Variants in TNR observed in about 807,000 individuals in gnomAD.
TNR encodes the protein tenascin-R.
TNR carries 45 observed loss-of-function variants against 150.4 expected under a neutral mutation model. That is an observed-to-expected ratio of 0.30 (90% CI 0.24 to 0.38). The LOEUF is 0.38. Among genes scored for constraint, TNR ranks in the 10% least tolerant of loss-of-function variants. The pLI, the probability that TNR is intolerant of heterozygous loss-of-function variation, is 1.00. For synonymous variants in TNR, 687 were observed against 678.4 expected (o/e 1.01, Z -0.20); for missense variants, 1,544 against 1,759.1 (o/e 0.88, Z 2.19).
chr1:175,654,877 G>A (rs1036075561), intron 1 of TNR, among the ~76,000 whole-genome samples: 2 of 151,582 alleles, frequency 1.3e-5, no homozygotes, highest in Non-Finnish European at 2.9e-5. Flanking sequence ...CGCCACCACA[G>A]CCGGCTAATT....
intron 1 of TNR, among the ~76,000 whole-genome samples, chr1:175,529,992 C>T (rs965141166): frequency 6.6e-6 from 1 of 152,224 alleles, no homozygotes; most frequent in Non-Finnish European, 1.5e-5. Context: ...ATTCAACTAA[C>T]ATGTTTATTA....
chr1:175,614,864 C>T (rs936831217), intron 1 of TNR, among the ~76,000 whole-genome samples: 24 of 152,142 alleles, frequency 1.6e-4, no homozygotes, highest in Non-Finnish European at 2.2e-4. Flanking sequence ...AGTGGGTGAC[C>T]GGCTGTTCAA....
intron 1 of TNR, among the ~76,000 whole-genome samples, chr1:175,734,357 T>G (rs946651453): frequency 2.0e-5 from 3 of 152,234 alleles, no homozygotes; most frequent in East Asian, 1.9e-4. Context: ...AGGTAGGAGC[T>G]ATTTACCCCA....
At chr1:175,690,051 G>C (rs1475973696) in intron 1 of TNR, among the ~76,000 whole-genome samples, 3 of 152,216 alleles carry the variant, frequency 2.0e-5, no homozygotes, top group Non-Finnish European at 4.4e-5. Context: ...TGGTAAGCAA[G>C]TTCAAGGTCA....
chr1:175,331,046 T>TTCCTTCC (rs1649771749), intron 20 of TNR, among the ~76,000 whole-genome samples: 2 of 82,898 alleles, frequency 2.4e-5, no homozygotes, highest in African/African-American at 9.1e-5. Context: ...TCTTTCTTTC[T>TTCCTTCC]TTCTTTCTTT....
At chr1:175,521,133 T>C (rs534561126) in intron 2 of TNR, among the ~76,000 whole-genome samples, 1 of 152,244 alleles carries the variant, frequency 6.6e-6, no homozygotes, top group South Asian at 2.1e-4. Flanking sequence ...GCAGGAAGAT[T>C]CCACTGTGCC....
At chr1:175,472,209 T>A (rs2102118399) in intron 2 of TNR, among the ~76,000 whole-genome samples, 1 of 152,240 alleles carries the variant, frequency 6.6e-6, no homozygotes, top group East Asian at 1.9e-4. Context: ...ATCATCAATA[T>A]CACTGTCTTC....
chr1:175,597,029 C>A (rs1291284025), intron 1 of TNR, among the ~76,000 whole-genome samples: 1 of 152,142 alleles, frequency 6.6e-6, no homozygotes, highest in Non-Finnish European at 1.5e-5. Context: ...GGGCTCCTTC[C>A]CACTTGCTTT....
intron 1 of TNR, among the ~76,000 whole-genome samples, chr1:175,726,756 A>G (rs966863214): frequency 6.6e-6 from 1 of 152,258 alleles, no homozygotes; most frequent in Non-Finnish European, 1.5e-5. Flanking sequence ...AATTATTGCA[A>G]AGACTGAGTA....
chr1:175,389,597 C>T (rs963118935), intron 7 of TNR, among the ~76,000 whole-genome samples: 5 of 152,222 alleles, frequency 3.3e-5, no homozygotes, highest in Admixed American at 2.0e-4. Flanking sequence ...TAAAAACAGA[C>T]AATTTCCCCC....
chr1:175,560,316 T>A (rs10913006), intron 1 of TNR, among the ~76,000 whole-genome samples: 14,598 of 152,278 alleles, frequency 0.096, 748 homozygotes, highest in Middle Eastern at 0.14. Context: ...AAATCCTTGA[T>A]AAAATAGAGG....
intron 1 of TNR, among the ~76,000 whole-genome samples, chr1:175,692,154 G>A (rs1477940670): frequency 2.0e-5 from 3 of 152,146 alleles, no homozygotes; most frequent in African/African-American, 4.8e-5. Context: ...GGAATAAGAG[G>A]GATAAAATGA....
chr1:175,628,526 TA>T (rs57639805), intron 1 of TNR, among the ~76,000 whole-genome samples: 40,097 of 147,894 alleles, frequency 0.27, 6,109 homozygotes, highest in East Asian at 0.53. Flanking sequence ...ATAATAAAAT[TA>T]AAAAAAAAAA....
At chr1:175,643,209 C>T (rs1664717588) in intron 1 of TNR, among the ~76,000 whole-genome samples, 1 of 152,206 alleles carries the variant, frequency 6.6e-6, no homozygotes, top group Non-Finnish European at 1.5e-5. Context: ...CCCTCACACC[C>T]AATTCCATAA....
At chr1:175,356,200 A>G (rs1224470471) in intron 16 of TNR, 119 bp downstream of exon 16, 1 of 1,378,690 alleles carries the variant, frequency 7.3e-7, no homozygotes, top group African/African-American at 1.5e-5. Flanking sequence ...TCCAAATAAG[A>G]ACAGCTCATA....
At chr1:175,692,111 T>C (rs1270335993) in intron 1 of TNR, among the ~76,000 whole-genome samples, 1 of 152,210 alleles carries the variant, frequency 6.6e-6, no homozygotes, top group Non-Finnish European at 1.5e-5. Flanking sequence ...TAACAATGAA[T>C]GGAGCAAAAT....
intron 2 of TNR, among the ~76,000 whole-genome samples, chr1:175,506,795 A>G (rs1181443111): frequency 6.6e-6 from 1 of 152,232 alleles, no homozygotes; most frequent in African/African-American, 2.4e-5. Context: ...AGGGAATAGC[A>G]TTGGTCCCAT....
chr1:175,684,498 G>A (rs1008376914), intron 1 of TNR, among the ~76,000 whole-genome samples: 2 of 152,198 alleles, frequency 1.3e-5, no homozygotes, highest in African/African-American at 4.8e-5. Context: ...TAATTGACAT[G>A]TGAGCAAACT....
chr1:175,664,466 C>G (rs1665471110), intron 1 of TNR, among the ~76,000 whole-genome samples: 1 of 152,162 alleles, frequency 6.6e-6, no homozygotes, highest in Admixed American at 6.5e-5. Flanking sequence ...TGGTTGAAAC[C>G]TTTCTGAGGC....
Sources: gnomAD v4.1 joint callset for allele counts (sites outside exome capture counted in the v4.1 genomes callset) on GRCh38, gnomAD v4.1.1 for gene constraint, MANE v1.5 for transcripts, NCBI Gene and HGNC (gene_info 2026-07-23, HGNC 2026-07-21) for gene names.